SULF2: variants seen among roughly 807,000 people sequenced by gnomAD.
SULF2 encodes the protein extracellular sulfatase Sulf-2.
SULF2 carries 52 observed loss-of-function variants against 107.7 expected under a neutral mutation model. That is an observed-to-expected ratio of 0.48 (90% CI 0.39 to 0.61). SULF2 has a LOEUF of 0.61. SULF2 is among the 20% of genes least tolerant of loss of function. SULF2 has a pLI of 0.00. For synonymous variants in SULF2, 460 were observed against 464.3 expected (o/e 0.99, Z 0.12); for missense variants, 993 against 1,177.3 (o/e 0.84, Z 2.29).
intron 2 of SULF2, among the ~76,000 whole-genome samples, chr20:47,742,376 C>T (rs1194356481): frequency 6.6e-6 from 1 of 152,218 alleles, no homozygotes; most frequent in African/African-American, 2.4e-5. Context: ...AACCTGGGGA[C>T]ATGCAGACAA....
chr20:47,776,447 C>T (rs57086483), intron 1 of SULF2, among the ~76,000 whole-genome samples: 4,235 of 152,158 alleles, frequency 0.028, 208 homozygotes, highest in African/African-American at 0.097. Context: ...CACAGGAGCG[C>T]GCACTTAAAC....
In SULF2 at chr20:47,666,518, G is replaced by T; in HGVS notation, c.1577-30C>A. ...GGGCATTAGAGGAGTGGCAGAGTTA[G>T]GGAGGCAGGAAAGGCTGGCCAGGCT... On this transcript the variant is annotated intron_variant, in intron 11 of 20. Transcript: ENST00000688720. This position sits in a 1 kb window ranked among gnomAD's most constrained non-coding sequence, Gnocchi z 5.4. 6.3e-7 allele frequency: 1 copy of T among 1,581,282 alleles called. No homozygotes were observed. The highest frequency in any genetic ancestry group is 1.1e-5 in the South Asian group (1 of 89,874).
rs762357831 is a variant in SULF2 at position 47,665,932 on chromosome 20, G to A, written c.1827C>T (p.Asp609=). Reference sequence around the variant, plus strand: ...ACAGGTCCAGGTCACACTGGACTGTGTCGTTCTCTAGGATGTAGCACCTGC... The same window carrying A: ...ACAGGTCCAGGTCACACTGGACTGTATCGTTCTCTAGGATGTAGCACCTGC... ...VTHRCYILEN[D]TVQCDLDLYK... The change falls in exon 13 of 21, where the codon GAC becomes GAT. Residue 609 remains aspartate, a synonymous_variant. Transcript: ENST00000688720. The A allele has an allele frequency of 4.6e-5, 74 of 1,613,978 alleles. 1 individual carries two copies. In the Middle Eastern group the frequency reaches 8.2e-4, roughly 18 times the overall value.
Position 47,778,391 on chromosome 20 carries a change from G to C in SULF2, c.-101+6952C>G, listed in dbSNP as rs75312420. ...TAGAATTTATCTAAGATTCAAGCTG[G>C]GCCCAGGTGTGCAGAGCAGTGGGCC... On this transcript the variant is annotated intron_variant, in intron 1 of 20. Coordinates refer to ENST00000688720, the MANE Select transcript of SULF2 (RefSeq NM_001387048.1). 4.6e-5 allele frequency among the ~76,000 whole-genome samples: 7 copies of C among 152,380 alleles called. No homozygotes were observed. In the East Asian group the frequency reaches 1.3e-3, roughly 29 times the overall value.
rs562856614 is a variant in SULF2 at position 47,690,242 on chromosome 20, G to A, written c.621C>T (p.Ser207=). ...TNDSVSFFRT[S]KKMYPHRPVL... Reference sequence around the variant, plus strand: ...CTGGCCTGTGCGGGTACATCTTCTTGGACGTGCGGAAGAAGCTCACGCTGT... The same window carrying A: ...CTGGCCTGTGCGGGTACATCTTCTTAGACGTGCGGAAGAAGCTCACGCTGT... Residue 207 remains serine, a synonymous_variant, in exon 5 of 21, where the codon TCC becomes TCT. Transcript: ENST00000688720. 6.4e-7 allele frequency: 1 copy of A among 1,568,710 alleles called. No homozygotes were observed. The highest frequency in any genetic ancestry group is 2.4e-5 in the East Asian group (1 of 42,056).
In SULF2 at chr20:47,676,561, T is replaced by C. The variant is rs143195457; in HGVS notation, c.1313A>G (p.Lys438Arg). The C allele has an allele frequency of 3.3e-4, 517 of 1,584,928 alleles. 2 individuals carry two copies. Among genetic ancestry groups the C allele is most frequent in the Middle Eastern group, 2.3e-4 (1 of 4,422 alleles). ...ACACAGGTCCTTCACACGCTGGTAC[T>C]TGGGCAGAAAGTTCTCCTCCTGGGC... Reference protein sequence around the residue: ...VDAQEENFLPKYQRVKDLCQR... With the variant: ...VDAQEENFLPRYQRVKDLCQR... Residue 438 changes from lysine to arginine, a missense_variant, in exon 10 of 21, where the codon AAG (lysine) becomes AGG (arginine). Lys to Arg is a conservative substitution (Grantham distance 26, BLOSUM62 2). This residue lies in a region of SULF2 where 108 missense variants were observed against 183.9 expected (regional missense o/e 0.59). Coordinates refer to ENST00000688720, the MANE Select transcript of SULF2 (RefSeq NM_001387048.1).
At chr20:47,764,604 T>G (rs6094818) in intron 1 of SULF2, among the ~76,000 whole-genome samples, 10 of 152,002 alleles carry the variant, frequency 6.6e-5, no homozygotes, top group Non-Finnish European at 1.5e-4. Context: ...TGGAGGAGAC[T>G]GTGCTGGGTG....
chr20:47,720,232 C>CTT (rs2089247060), intron 3 of SULF2, among the ~76,000 whole-genome samples: 1 of 152,128 alleles, frequency 6.6e-6, no homozygotes, highest in African/African-American at 2.4e-5. Context: ...GAATTACAGG[C>CTT]TTGAGCCACT....
intron 1 of SULF2, among the ~76,000 whole-genome samples, chr20:47,761,335 G>A (rs1477033491): frequency 6.6e-6 from 1 of 152,106 alleles, no homozygotes; most frequent in Admixed American, 6.6e-5. Context: ...CACGAAACTC[G>A]GATTTCCCAA....
intron 3 of SULF2, among the ~76,000 whole-genome samples, chr20:47,710,303 G>GC (rs754377433): frequency 8.7e-5 from 13 of 149,722 alleles, no homozygotes; most frequent in Non-Finnish European, 1.8e-4. Context: ...CTCCCAAGGT[G>GC]CTGGGAATAC....
rs1002702765 is a variant in SULF2, at chr20:47,690,316, G to A, written c.568-21C>T. On this transcript the variant is annotated intron_variant, in intron 4 of 20. Transcript: ENST00000688720. ...TAATCCTGGGGGGTGGGGAGAGACA[G>A]GAGAACAGGTGAGGAGCCAGGTATT... is the stretch of plus-strand genomic sequence containing the variant. 5.6e-6 allele frequency: 8 copies of A among 1,437,118 alleles called. No homozygotes were observed. In the African/African-American group the frequency reaches 7.2e-5, roughly 13 times the overall value. The allele number at this position is 1,437,118 out of a possible 1,614,324, so 89.0% of individuals were successfully genotyped here.
chr20:47,753,743 A>G (rs539938857), intron 2 of SULF2, among the ~76,000 whole-genome samples: 1 of 152,352 alleles, frequency 6.6e-6, no homozygotes, highest in South Asian at 2.1e-4. Flanking sequence ...CCATGTCTTA[A>G]TCCTCTTGCT....
At chr20:47,779,734 G>A (rs1335472007) in intron 1 of SULF2, among the ~76,000 whole-genome samples, 1 of 152,116 alleles carries the variant, frequency 6.6e-6, no homozygotes, top group East Asian at 1.9e-4. Context: ...AGCCTCCCGA[G>A]TAACTGGGAT....
intron 4 of SULF2, among the ~76,000 whole-genome samples, chr20:47,690,923 C>T (rs960864860): frequency 6.6e-6 from 1 of 151,664 alleles, no homozygotes; most frequent in East Asian, 1.9e-4. Context: ...TGAGTGCTTA[C>T]GATGTGCCAA....
intron 7 of SULF2, among the ~76,000 whole-genome samples, chr20:47,681,789 G>A (rs923687515): frequency 1.3e-5 from 2 of 152,152 alleles, no homozygotes; most frequent in African/African-American, 2.4e-5. Flanking sequence ...AGGTTCAAGC[G>A]ATTCTCCTGC....
chr20:47,745,338 A>G (rs2089980194), intron 2 of SULF2, among the ~76,000 whole-genome samples: 1 of 141,066 alleles, frequency 7.1e-6, no homozygotes, highest in African/African-American at 2.6e-5. Context: ...GCAAAGCGGG[A>G]GAATAACAGT....
Position 47,754,571 on chromosome 20 carries a change from G to A in SULF2, c.175+2618C>T, listed in dbSNP as rs1178961836. The stretch of plus-strand genomic sequence containing the variant: ...AGACTTGTAGGCCCTAATCTATGCT[G>A]TGTAGTGCTATTGGGCAAGAGCTGA... On this transcript the variant is annotated intron_variant, in intron 2 of 20. Coordinates refer to ENST00000688720, the MANE Select transcript of SULF2 (RefSeq NM_001387048.1). Among the ~76,000 whole-genome samples, 3 of 152,186 alleles carry A rather than the reference G, an allele frequency of 2.0e-5. No individual in the cohort carries two copies. The East Asian group carries it at 5.8e-4, about 29-fold the overall frequency.
intron 1 of SULF2, among the ~76,000 whole-genome samples, chr20:47,784,670 C>T (rs2090890464): frequency 6.6e-6 from 1 of 152,250 alleles, no homozygotes; most frequent in South Asian, 2.1e-4. Context: ...AGGGGGTGCT[C>T]CAGAAATGCT....
At chr20:47,698,898 G>A (rs942569691) in intron 4 of SULF2, among the ~76,000 whole-genome samples, 2 of 152,128 alleles carry the variant, frequency 1.3e-5, no homozygotes, top group Non-Finnish European at 2.9e-5. Flanking sequence ...GGGCGTGGTG[G>A]TGCATGCCTG....
Sources: gnomAD v4.1 joint callset for allele counts (sites outside exome capture counted in the v4.1 genomes callset) on GRCh38, gnomAD v4.1.1 for gene constraint, gnomAD v4.1.1 regional missense constraint, Gnocchi (gnomAD v3.1) non-coding constraint, MANE v1.5 for transcripts, NCBI Gene and HGNC (gene_info 2026-07-23, HGNC 2026-07-21) for gene names.